The following SH3RF1 variants were observed in gnomAD, a reference collection of about 807,000 sequenced individuals.
SH3RF1 encodes SH3 domain containing ring finger 1.
In SH3RF1, 32 loss-of-function variants were observed where a neutral mutation model predicts 74.0. That is an observed-to-expected ratio of 0.43 (90% CI 0.33 to 0.58). The LOEUF (loss-of-function observed/expected upper bound fraction) is 0.58, where lower values mean the gene tolerates loss of function less well. Ranked by LOEUF, SH3RF1 falls within the 20% of genes least tolerant of loss-of-function variation. The pLI, the probability that SH3RF1 is intolerant of heterozygous loss-of-function variation, is 0.05. For missense variants in SH3RF1, 954 were observed against 1,130.9 expected, an observed-to-expected ratio of 0.84 and a Z score of 2.24; for synonymous variants, 396 against 439.6, an observed-to-expected ratio of 0.90 and a Z score of 1.24.
chr4:169,260,873 A>C (rs1422525345), intron 2 of SH3RF1, among the ~76,000 whole-genome samples: 1 of 152,280 alleles, frequency 6.6e-6, no homozygotes, highest in South Asian at 2.1e-4. Flanking sequence ...CACTACATCC[A>C]CTTTATAATC....
chr4:169,143,925 A>C (rs1159078146), intron 4 of SH3RF1, among the ~76,000 whole-genome samples: 1 of 152,236 alleles, frequency 6.6e-6, no homozygotes, highest in Non-Finnish European at 1.5e-5. Flanking sequence ...AAGCCTAAAA[A>C]GAATTTTAGC....
intron 2 of SH3RF1, among the ~76,000 whole-genome samples, chr4:169,214,573 T>C (rs951333861): frequency 2.6e-5 from 4 of 152,220 alleles, no homozygotes; most frequent in African/African-American, 9.6e-5. Context: ...ATGTGGATTA[T>C]CTCTCATTTG....
chr4:169,184,592 C>T (rs1734574020), intron 2 of SH3RF1, among the ~76,000 whole-genome samples: 1 of 152,142 alleles, frequency 6.6e-6, no homozygotes, highest in Non-Finnish European at 1.5e-5. Flanking sequence ...TAAATTCAAT[C>T]CACGGAGACC....
intron 2 of SH3RF1, among the ~76,000 whole-genome samples, chr4:169,263,370 C>G (rs1222139727): frequency 6.6e-6 from 1 of 152,202 alleles, no homozygotes; most frequent in Non-Finnish European, 1.5e-5. Context: ...TTACCTCCCC[C>G]AAATGTAAAC....
Position 169,130,131 on chromosome 4 carries a change from A to G in SH3RF1, c.1094T>C (p.Ile365Thr), listed in dbSNP as rs1362724037. 1 of 1,600,590 alleles carries G rather than the reference A, an allele frequency of 6.2e-7. No individual in the cohort carries two copies. Among genetic ancestry groups the G allele is most frequent in the Non-Finnish European group, 8.5e-7 (1 of 1,175,786 alleles). ...TGGGCTGCTTGGGGGCGGGGTCACA[A>G]TTAACCCGGTGGTACTTATATGAAC... ...SQVHISTTGL[I>T]VTPPPSSPVT... is the part of the protein sequence containing the mutation. Residue 365 changes from isoleucine (I) to threonine (T), a missense_variant, in exon 6 of 12, where the codon ATT (isoleucine) becomes ACT (threonine). Coordinates refer to ENST00000284637, the MANE Select transcript of SH3RF1 (RefSeq NM_020870.4).
chr4:169,174,432 T>C (rs1159997741), intron 2 of SH3RF1, among the ~76,000 whole-genome samples: 1 of 152,132 alleles, frequency 6.6e-6, no homozygotes, highest in Non-Finnish European at 1.5e-5. Context: ...GCATACATAG[T>C]CTGATTCAGT....
At chr4:169,266,359 T>C (rs997546140) in intron 2 of SH3RF1, among the ~76,000 whole-genome samples, 1 of 152,162 alleles carries the variant, frequency 6.6e-6, no homozygotes, top group Non-Finnish European at 1.5e-5. Flanking sequence ...CACTTGGTTG[T>C]GTCAGAACAC....
intron 2 of SH3RF1, among the ~76,000 whole-genome samples, chr4:169,185,944 C>T (rs188306402): frequency 2.6e-5 from 4 of 152,264 alleles, no homozygotes; most frequent in Admixed American, 1.3e-4. Flanking sequence ...TAAGCTTATT[C>T]GCACATACCT....
At chr4:169,155,921 C>A (rs916030563) in intron 3 of SH3RF1, among the ~76,000 whole-genome samples, 2 of 152,094 alleles carry the variant, frequency 1.3e-5, no homozygotes, top group African/African-American at 2.4e-5. Flanking sequence ...TGAAAATAAA[C>A]CAAATGCCTA....
Position 169,103,873 on chromosome 4 carries a change from T to C in SH3RF1, c.2498+2974A>G, listed in dbSNP as rs114847487. On this transcript the variant is annotated intron_variant, in intron 11 of 11. Coordinates refer to ENST00000284637, the MANE Select transcript of SH3RF1 (RefSeq NM_020870.4). ...TCTCCAAAGACCCCTTTCCCACTTG[T>C]AAAAATTTAAATGGTTATACAAAAA... 6.7e-3 allele frequency among the ~76,000 whole-genome samples: 1,022 copies of C among 152,302 alleles called. 8 individuals are homozygous for C. Among genetic ancestry groups the C allele is most frequent in the African/African-American group, 0.023 (975 of 41,544 alleles).
At chr4:169,098,336 A>G (rs1266987417) in intron 11 of SH3RF1, among the ~76,000 whole-genome samples, 1 of 152,246 alleles carries the variant, frequency 6.6e-6, no homozygotes, top group African/African-American at 2.4e-5. Context: ...TCCTGACTGA[A>G]AGTGAAAAAT....
chr4:169,240,607 G>T (rs1356290435), intron 2 of SH3RF1, among the ~76,000 whole-genome samples: 2 of 152,146 alleles, frequency 1.3e-5, no homozygotes, highest in South Asian at 4.1e-4. Flanking sequence ...TAAATAAATT[G>T]TATCTATTTG....
chr4:169,245,898 T>A (rs1730988982), intron 2 of SH3RF1, among the ~76,000 whole-genome samples: 1 of 152,086 alleles, frequency 6.6e-6, no homozygotes, highest in Non-Finnish European at 1.5e-5. Context: ...TACTGAAAAG[T>A]GGTCACATTA....
chr4:169,192,020 C>A (rs1387897675), intron 2 of SH3RF1, among the ~76,000 whole-genome samples: 1 of 152,024 alleles, frequency 6.6e-6, no homozygotes, highest in East Asian at 1.9e-4. Flanking sequence ...AAAGCAAATA[C>A]CATAAAAACA....
chr4:169,222,842 T>C (rs931772126), intron 2 of SH3RF1, among the ~76,000 whole-genome samples: 3 of 152,212 alleles, frequency 2.0e-5, no homozygotes, highest in Non-Finnish European at 4.4e-5. Context: ...ACACTTCCAA[T>C]ACATGAGTTC....
intron 2 of SH3RF1, among the ~76,000 whole-genome samples, chr4:169,257,407 C>T (rs1731207657): frequency 6.6e-6 from 1 of 152,188 alleles, no homozygotes. Flanking sequence ...CTGACTTACT[C>T]CTGTTGACTC....
intron 4 of SH3RF1, among the ~76,000 whole-genome samples, chr4:169,153,287 A>G (rs889803225): frequency 6.6e-6 from 1 of 152,202 alleles, no homozygotes; most frequent in African/African-American, 2.4e-5. Context: ...ATCTTCTCCA[A>G]ACTTCTAGGA....
At chr4:169,178,480 G>A (rs1263996918) in intron 2 of SH3RF1, among the ~76,000 whole-genome samples, 1 of 152,034 alleles carries the variant, frequency 6.6e-6, no homozygotes, top group Middle Eastern at 3.2e-3. Flanking sequence ...ATGCCCAAAA[G>A]TCACACAGCT....
intron 2 of SH3RF1, among the ~76,000 whole-genome samples, chr4:169,219,796 C>G (rs1282158761): frequency 2.0e-5 from 3 of 152,212 alleles, no homozygotes; most frequent in African/African-American, 7.2e-5. Context: ...CCCTCTACTA[C>G]TTTCTCTCAT....
Sources: gnomAD v4.1 joint callset for allele counts (sites outside exome capture counted in the v4.1 genomes callset) on GRCh38, gnomAD v4.1.1 for gene constraint, MANE v1.5 for transcripts, NCBI Gene and HGNC (gene_info 2026-07-23, HGNC 2026-07-21) for gene names.